Variants in ATAD2 observed in about 807,000 individuals in gnomAD.
The protein encoded by ATAD2 is ATPase family AAA domain-containing protein 2.
Under a neutral mutation model 168.9 loss-of-function variants are expected in ATAD2, and 62 were observed. The observed-to-expected ratio is 0.37, with a 90% CI of 0.30 to 0.45. The LOEUF (loss-of-function observed/expected upper bound fraction) is 0.45, where lower values mean the gene tolerates loss of function less well. Among genes scored for constraint, ATAD2 ranks in the 20% least tolerant of loss-of-function variants. The pLI is 1.00. For missense variants in ATAD2, 1,419 were observed against 1,667.8 expected, an observed-to-expected ratio of 0.85 and a Z score of 2.60; for synonymous variants, 613 against 571.6, an observed-to-expected ratio of 1.07 and a Z score of -1.03.
intron 2 of ATAD2, among the ~76,000 whole-genome samples, chr8:123,375,725 T>C (rs1446417737): frequency 6.6e-6 from 1 of 152,144 alleles, no homozygotes; most frequent in East Asian, 1.9e-4. Context: ...AATTCCAGCA[T>C]TTTGGGAGGT....
At position 123,347,291 on chromosome 8, in the gene ATAD2, T is replaced by C. The variant is rs1828280453; in HGVS notation, c.2013A>G (p.Ser671=). The change falls in exon 16 of 28, where the codon TCA becomes TCG. Residue 671 remains serine, a synonymous_variant. Coordinates refer to ENST00000287394, the MANE Select transcript of ATAD2 (RefSeq NM_014109.4). ...CGAAATCCTTAGCTGAGATATTAAT[T>C]GAAGAGAGATCCAACTGCAGTTTCT... ...TSEKLQLDLS[S]INISAKDFEV... The C allele has an allele frequency of 6.2e-7, 1 of 1,613,900 alleles. No individual in the cohort carries two copies. The highest frequency in any genetic ancestry group is 8.5e-7 in the Non-Finnish European group (1 of 1,180,012).
At chr8:123,393,027 A>G (rs1305324523) in intron 1 of ATAD2, among the ~76,000 whole-genome samples, 1 of 152,132 alleles carries the variant, frequency 6.6e-6, no homozygotes, top group Non-Finnish European at 1.5e-5. Context: ...TACTGAAAAT[A>G]CAAAAAATTA....
rs201646245 is a variant in ATAD2 at position 123,346,678 on chromosome 8, C to A, written c.2285G>T (p.Gly762Val). The A allele has an allele frequency of 4.4e-5, 70 of 1,588,430 alleles. No individual in the cohort carries two copies. The highest frequency in any genetic ancestry group is 3.3e-4 in the Middle Eastern group (2 of 5,978). The change falls in exon 17 of 28, where the codon GGA becomes GTA. Residue 762 changes from glycine (G) to valine (V), a missense_variant. Around this residue, in one of 5 missense-constraint regions of ATAD2, gnomAD observed 545 missense variants for 724.9 expected, o/e 0.75. Transcript: ENST00000287394. ...DDDVPSVYEN[G>V]LSQKSSHKAK... is the part of the protein sequence containing the mutation. ...CTTATGAGAAGATTTCTGAGAAAGT[C>A]CATTTTCATAAACTGATGGAACATC...
chr8:123,404,572 T>G (rs1813044908), intron 1 of ATAD2, among the ~76,000 whole-genome samples: 1 of 151,746 alleles, frequency 6.6e-6, no homozygotes, highest in Non-Finnish European at 1.5e-5. Flanking sequence ...TCTCTTTTTT[T>G]TTTTTTTCTT....
chr8:123,416,074 G>C (rs1182931344), intron 1 of ATAD2, among the ~76,000 whole-genome samples: 3 of 151,886 alleles, frequency 2.0e-5, no homozygotes, highest in Non-Finnish European at 4.4e-5. Context: ...CAATTTAAAA[G>C]ATTAAGTTAC....
intron 13 of ATAD2, 107 bp from the exon 14 acceptor site, chr8:123,349,551 T>G: frequency 1.9e-6 from 2 of 1,058,184 alleles, no homozygotes; most frequent in Non-Finnish European, 2.7e-6. Context: ...TGTGAATAAA[T>G]TTTCTCAGGG....
chr8:123,382,615 T>C (rs1007571991), intron 1 of ATAD2, among the ~76,000 whole-genome samples: 3 of 152,196 alleles, frequency 2.0e-5, no homozygotes, highest in Non-Finnish European at 2.9e-5. Flanking sequence ...CCCTTCTCCA[T>C]TTTAAAAAAG....
chr8:123,365,546 C>T (rs1053245500), intron 8 of ATAD2, among the ~76,000 whole-genome samples: 1 of 152,092 alleles, frequency 6.6e-6, no homozygotes, highest in African/African-American at 2.4e-5. Flanking sequence ...AGGCCATAGT[C>T]ACCAAAACAG....
At chr8:123,395,313 G>C (rs909582051) in intron 1 of ATAD2, among the ~76,000 whole-genome samples, 1 of 152,160 alleles carries the variant, frequency 6.6e-6, no homozygotes, top group Non-Finnish European at 1.5e-5. Context: ...CAGCTGGGGT[G>C]GGGAGGTGGA....
intron 5 of ATAD2, 57 bp downstream of exon 5, chr8:123,371,179 C>T: frequency 1.5e-6 from 2 of 1,373,944 alleles, no homozygotes; most frequent in African/African-American, 1.5e-5. Flanking sequence ...GGATTAGGTA[C>T]TATAAAAAAA....
At chr8:123,326,913 C>CT (rs1034147155) in intron 25 of ATAD2, among the ~76,000 whole-genome samples, 17 of 151,198 alleles carry the variant, frequency 1.1e-4, no homozygotes, top group South Asian at 2.1e-4. Context: ...ACTTTTCTTT[C>CT]TTTTTTTTTG....
chr8:123,381,442 A>C (rs1161709054), intron 1 of ATAD2, among the ~76,000 whole-genome samples: 1 of 152,142 alleles, frequency 6.6e-6, no homozygotes, highest in Admixed American at 6.6e-5. Flanking sequence ...TGGAGGTTGC[A>C]GTGACCCGTG....
intron 15 of ATAD2, 123 bp from the exon 16 acceptor site, chr8:123,347,529 T>TA (rs1255638467): frequency 4.0e-6 from 4 of 991,148 alleles, no homozygotes; most frequent in Non-Finnish European, 5.8e-6. Context: ...AGTTAGCAAA[T>TA]ATTTAAGAGT....
intron 1 of ATAD2, among the ~76,000 whole-genome samples, chr8:123,389,128 G>A (rs1273869613): frequency 2.3e-5 from 2 of 86,722 alleles, no homozygotes; most frequent in Non-Finnish European, 5.0e-5. Flanking sequence ...TACCACGCCC[G>A]GCTAATTTTT....
intron 2 of ATAD2, among the ~76,000 whole-genome samples, chr8:123,376,430 C>A (rs577069752): frequency 5.3e-5 from 8 of 151,610 alleles, no homozygotes; most frequent in African/African-American, 1.7e-4. Flanking sequence ...GGCATGGTGG[C>A]ACATGACTGT....
chr8:123,389,960 T>TTTTATATATATATA (rs1392406832), intron 1 of ATAD2, among the ~76,000 whole-genome samples: 2 of 94,048 alleles, frequency 2.1e-5, no homozygotes, highest in Admixed American at 2.8e-4. Context: ...TACTATTATT[T>TTTTATATATATATA]TATATATATA....
intron 19 of ATAD2, among the ~76,000 whole-genome samples, chr8:123,343,246 A>G (rs116441110): frequency 0.025 from 3,740 of 151,972 alleles, 159 homozygotes; most frequent in African/African-American, 0.086. Context: ...AAAGTGCTAG[A>G]ATTACAGGCG....
chr8:123,399,281 G>T (rs915152449), upstream of ATAD2, among the ~76,000 whole-genome samples: 1 of 151,464 alleles, frequency 6.6e-6, no homozygotes. Context: ...AAAACCACAC[G>T]ACTATATACT....
chr8:123,336,137 T>C (rs1827907143), intron 22 of ATAD2, among the ~76,000 whole-genome samples: 1 of 152,198 alleles, frequency 6.6e-6, no homozygotes, highest in Non-Finnish European at 1.5e-5. Context: ...AAACAGGGAT[T>C]TGGGAATGAA....
Sources: allele counts gnomAD v4.1 joint callset (sites outside exome capture counted in the v4.1 genomes callset), GRCh38; gene constraint gnomAD v4.1.1; regional missense constraint gnomAD v4.1.1; transcripts MANE v1.5; gene names NCBI Gene and HGNC (gene_info 2026-07-23, HGNC 2026-07-21).